FAM168A: variants seen among roughly 807,000 people sequenced by gnomAD.
FAM168A encodes the protein protein FAM168A.
A neutral mutation model predicts 28.5 loss-of-function variants in FAM168A; 3 were observed. The observed-to-expected ratio is 0.11, with a 90% CI of 0.05 to 0.27. The LOEUF (loss-of-function observed/expected upper bound fraction) is 0.27. Among genes scored for constraint, FAM168A ranks in the 10% least tolerant of loss-of-function variants. The pLI, the probability that FAM168A is intolerant of heterozygous loss-of-function variation, is 1.00. For missense variants in FAM168A, 222 were observed against 311.5 expected (o/e 0.71, Z 2.16); for synonymous variants, 122 against 124.2 (o/e 0.98, Z 0.12).
intron 3 of FAM168A, among the ~76,000 whole-genome samples, chr11:73,424,494 G>GCCC (rs373293941): frequency 9.9e-5 from 15 of 151,372 alleles, no homozygotes; most frequent in East Asian, 3.9e-4. Context: ...TCAGCACGCT[G>GCCC]CCCCCCCCAC....
intron 1 of FAM168A, among the ~76,000 whole-genome samples, chr11:73,565,301 C>T (rs1328436221): frequency 2.0e-5 from 3 of 152,134 alleles, no homozygotes; most frequent in Non-Finnish European, 2.9e-5. Flanking sequence ...ATATGCGTAA[C>T]GGCTGACAGT....
chr11:73,571,889 C>T (rs966845636), intron 1 of FAM168A, among the ~76,000 whole-genome samples: 4 of 151,648 alleles, frequency 2.6e-5, no homozygotes, highest in Admixed American at 6.6e-5. Context: ...AGCGCCCCTG[C>T]CCCACCGCCC....
At chr11:73,509,219 T>C (rs901909108) in intron 1 of FAM168A, among the ~76,000 whole-genome samples, 2 of 152,172 alleles carry the variant, frequency 1.3e-5, no homozygotes, top group African/African-American at 4.8e-5. Flanking sequence ...CACAGGCAAG[T>C]CAAGGAGCAG....
intron 3 of FAM168A, among the ~76,000 whole-genome samples, chr11:73,421,266 T>C (rs12282790): frequency 0.048 from 7,265 of 152,260 alleles, 546 homozygotes; most frequent in African/African-American, 0.16. Flanking sequence ...CCTCTGCCCA[T>C]TCAGGTAACA....
intron 7 of FAM168A, among the ~76,000 whole-genome samples, chr11:73,407,157 G>C (rs530361171): frequency 6.6e-6 from 1 of 152,208 alleles, no homozygotes; most frequent in Admixed American, 6.5e-5. Flanking sequence ...CTAGAGAACT[G>C]AAGTTTAAGC....
intron 1 of FAM168A, among the ~76,000 whole-genome samples, chr11:73,473,050 C>A (rs950382386): frequency 2.0e-5 from 3 of 152,084 alleles, no homozygotes; most frequent in Non-Finnish European, 4.4e-5. Flanking sequence ...ATAAATACTA[C>A]CCCTACTACC....
At chr11:73,595,708 G>C (rs955399542) in intron 1 of FAM168A, among the ~76,000 whole-genome samples, 1 of 152,146 alleles carries the variant, frequency 6.6e-6, no homozygotes, top group Non-Finnish European at 1.5e-5. Flanking sequence ...AATAGGTGGA[G>C]ATGCTGTTTC....
intron 2 of FAM168A, among the ~76,000 whole-genome samples, chr11:73,460,921 G>A (rs1867635537): frequency 1.3e-5 from 2 of 152,196 alleles, no homozygotes; most frequent in African/African-American, 4.8e-5. Context: ...ATCTAACTAA[G>A]TGTGTTGGAA....
intron 4 of FAM168A, among the ~76,000 whole-genome samples, chr11:73,414,424 G>A (rs376935980): frequency 6.6e-6 from 1 of 152,204 alleles, no homozygotes; most frequent in East Asian, 1.9e-4. Context: ...AGAGCTGAAA[G>A]CATCCCTTTT....
intron 2 of FAM168A, among the ~76,000 whole-genome samples, chr11:73,435,045 T>A (rs1008760666): frequency 6.6e-6 from 1 of 152,238 alleles, no homozygotes; most frequent in Admixed American, 6.5e-5. Flanking sequence ...AATGAAAAGC[T>A]GGTTTTAAAA....
chr11:73,527,333 A>G (rs1293275023), intron 1 of FAM168A, among the ~76,000 whole-genome samples: 2 of 152,176 alleles, frequency 1.3e-5, no homozygotes, highest in African/African-American at 4.8e-5. Context: ...GAAAGAATTA[A>G]TCAATGAGTA....
chr11:73,543,025 T>A (rs560183093), intron 1 of FAM168A, among the ~76,000 whole-genome samples: 1 of 152,282 alleles, frequency 6.6e-6, no homozygotes, highest in African/African-American at 2.4e-5. Flanking sequence ...CTCCTTTATT[T>A]CATTAAGATC....
chr11:73,464,371 G>C (rs188419810), intron 2 of FAM168A, among the ~76,000 whole-genome samples: 12 of 151,948 alleles, frequency 7.9e-5, no homozygotes, highest in African/African-American at 2.9e-4. Flanking sequence ...AAAAAAAGAT[G>C]GTAGTCTTTG....
intron 1 of FAM168A, among the ~76,000 whole-genome samples, chr11:73,584,559 C>T (rs887389060): frequency 1.2e-4 from 18 of 149,044 alleles, no homozygotes; most frequent in Non-Finnish European, 1.5e-5. Context: ...CTGCAAGCAT[C>T]GCCTCCCGGG....
intron 1 of FAM168A, among the ~76,000 whole-genome samples, chr11:73,485,422 C>T (rs369677852): frequency 3.3e-5 from 5 of 152,070 alleles, no homozygotes; most frequent in African/African-American, 9.7e-5. Context: ...CAGAGATACA[C>T]GTGTCTTTTG....
intron 2 of FAM168A, among the ~76,000 whole-genome samples, chr11:73,436,584 T>C (rs926496423): frequency 2.6e-5 from 4 of 152,220 alleles, no homozygotes; most frequent in African/African-American, 4.8e-5. Flanking sequence ...GGATGTAATT[T>C]TGAATCTGTA....
Position 73,574,839 on chromosome 11 carries a change from C to G in FAM168A, c.-19+23084G>C, listed in dbSNP as rs537625094. Among the ~76,000 whole-genome samples the G allele has an allele frequency of 6.7e-4, 101 of 149,892 alleles. 3 individuals are homozygous for G. In the South Asian group the frequency reaches 0.021, roughly 31 times the overall value. ...TCAGCCTCCCAAAGTGCTGGGATTA[C>G]AGGTGTGAGCCACCGTGCCCATCCG... On this transcript the variant is annotated intron_variant, in intron 1 of 7. Transcript: ENST00000356467.
At chr11:73,568,928 C>A (rs917568072) in intron 1 of FAM168A, among the ~76,000 whole-genome samples, 3 of 152,090 alleles carry the variant, frequency 2.0e-5, no homozygotes, top group Non-Finnish European at 2.9e-5. Flanking sequence ...ACTAATTTGC[C>A]ACTGTCATAT....
At chr11:73,582,523 A>T (rs1944260709) in intron 1 of FAM168A, among the ~76,000 whole-genome samples, 1 of 152,184 alleles carries the variant, frequency 6.6e-6, no homozygotes, top group South Asian at 2.1e-4. Context: ...TGCCTGCCAG[A>T]AACTACTAAT....
Sources: allele counts gnomAD v4.1 joint callset (sites outside exome capture counted in the v4.1 genomes callset), GRCh38; gene constraint gnomAD v4.1.1; transcripts MANE v1.5; gene names NCBI Gene and HGNC (gene_info 2026-07-23, HGNC 2026-07-21).